Variants in ROGDI observed in about 807,000 individuals in gnomAD.
The protein encoded by ROGDI is protein rogdi homolog.
Under a neutral mutation model 43.1 loss-of-function variants are expected in ROGDI, and 46 were observed. The observed-to-expected ratio is 1.07, with a 90% CI of 0.84 to 1.37. The LOEUF (loss-of-function observed/expected upper bound fraction) is 1.37. Among genes scored for constraint, ROGDI ranks in the 40% most tolerant of loss-of-function variants. The pLI, the probability that ROGDI is intolerant of heterozygous loss-of-function variation, is 0.00. For missense variants in ROGDI, 518 were observed against 383.9 expected (o/e 1.35, Z -2.92); for synonymous variants, 243 against 162.0 (o/e 1.50, Z -3.80).
Position 4,801,050 on chromosome 16 carries a change from C to G in ROGDI, c.255+217G>C, listed in dbSNP as rs1269421749. On this transcript the variant is annotated intron_variant, in intron 4 of 10. Transcript: ENST00000322048. Reference sequence around the variant, plus strand: ...CACTGGTCCGGACGCCAGGCCAGGCCGTGTGCAAAGAACCCCTCTCCTGCA... The same window carrying G: ...CACTGGTCCGGACGCCAGGCCAGGCGGTGTGCAAAGAACCCCTCTCCTGCA... 3 of 520,414 alleles carry G rather than the reference C, an allele frequency of 5.8e-6. No homozygotes were observed. In the East Asian group the frequency reaches 9.2e-5, roughly 16 times the overall value. The allele number at this position is 520,414 out of a possible 1,614,324, so 32.2% of individuals were successfully genotyped here.
In ROGDI at chr16:4,802,187, G is replaced by C. The variant is rs377578840; in HGVS notation, c.117+195C>G. 76 of 655,850 alleles carry C rather than the reference G, an allele frequency of 1.2e-4. No homozygotes were observed. The East Asian group carries it at 1.8e-3, about 15-fold the overall frequency. The allele number at this position is 655,850 out of a possible 1,614,324, so 40.6% of individuals were successfully genotyped here. The stretch of plus-strand genomic sequence containing the variant: ...TCAGGCCCTTGCTAGCACCCTCGTC[G>C]GGACCCGCCCCTGCCCGCACACAGG... On this transcript the variant is annotated intron_variant, in intron 2 of 10. Coordinates refer to ENST00000322048, the MANE Select transcript of ROGDI (RefSeq NM_024589.3).
At chr16:4,799,894 G>A (rs1274442630) in intron 5 of ROGDI, 113 bp from the exon 6 acceptor site, 7 of 755,664 alleles carry the variant, frequency 9.3e-6, no homozygotes, top group Non-Finnish European at 1.3e-5. Context: ...TGTCATCCCT[G>A]TGCCCCAGAG....
Position 4,801,635 on chromosome 16 carries a change from G to A in ROGDI, c.118-50C>T, listed in dbSNP as rs970349464. 2.7e-6 allele frequency: 4 copies of A among 1,499,244 alleles called. No individual in the cohort carries two copies. In the African/African-American group the frequency reaches 4.1e-5, roughly 16 times the overall value. 92.9% of individuals were successfully genotyped at this position (1,499,244 alleles called of 1,614,324 possible). On this transcript the variant is annotated intron_variant, in intron 2 of 10. Coordinates refer to ENST00000322048, the MANE Select transcript of ROGDI (RefSeq NM_024589.3). The stretch of plus-strand genomic sequence containing the variant: ...AGCTGGTAGCGCCCACTCAGGCCCG[G>A]CCCAGTGCTCCTTCCAGAAGCCCCC...
chr16:4,798,017 C>G lies in ROGDI; in HGVS notation c.646-30G>C, dbSNP rs371472277. The stretch of plus-strand genomic sequence containing the variant: ...GGAGAACAGCACCAGACCCGTCAGG[C>G]CTTGCAGGGCGTGTGCATGGCGGGC... On this transcript the variant is annotated intron_variant, in intron 8 of 10. Coordinates refer to ENST00000322048, the MANE Select transcript of ROGDI (RefSeq NM_024589.3). The G allele has an allele frequency of 5.6e-5, 90 of 1,613,458 alleles. No homozygotes were observed. The African/African-American group carries it at 1.1e-3, about 19-fold the overall frequency.
chr16:4,799,484 G>A (rs1368767154), intron 6 of ROGDI, among the ~76,000 whole-genome samples: 1 of 152,128 alleles, frequency 6.6e-6, no homozygotes, highest in Non-Finnish European at 1.5e-5. Flanking sequence ...CTTACTGGGG[G>A]CCCCGTGACC....
In ROGDI at chr16:4,800,595, G is replaced by C; in HGVS notation, c.256-17C>G. The C allele has an allele frequency of 6.4e-7, 1 of 1,553,806 alleles. No individual in the cohort carries two copies. The highest frequency in any genetic ancestry group is 8.7e-7 in the Non-Finnish European group (1 of 1,146,780). On this transcript the variant is annotated splice_polypyrimidine_tract_variant and intron_variant, in intron 4 of 10. Coordinates refer to ENST00000322048, the MANE Select transcript of ROGDI (RefSeq NM_024589.3). ...GTTCACATCCTGACAGGCAAGAGTG[G>C]GGTGAGCTGGGCAGTGGGGGGGCAC...
intron 2 of ROGDI, chr16:4,801,998 G>C (rs965173922): frequency 2.8e-5 from 16 of 578,772 alleles, no homozygotes; most frequent in Non-Finnish European, 5.2e-5. Flanking sequence ...GCCTCGCGAA[G>C]CGGGTACTGT....
rs758195573 is a variant in ROGDI at position 4,801,247 on chromosome 16, G to A, written c.255+20C>T. ...CTTCCCCATTGGCAGGATGGGAGGG[G>A]ACAGGGCCGGGGGACTCACCGCCTG... On this transcript the variant is annotated intron_variant, in intron 4 of 10. Coordinates refer to ENST00000322048, the MANE Select transcript of ROGDI (RefSeq NM_024589.3). 2.7e-5 allele frequency: 43 copies of A among 1,591,132 alleles called. No individual in the cohort carries two copies. The highest frequency in any genetic ancestry group is 6.0e-6 in the Non-Finnish European group (7 of 1,166,062).
chr16:4,802,593 G>A lies in ROGDI; in HGVS notation c.-22C>T, dbSNP rs779360795. 1.1e-5 allele frequency: 15 copies of A among 1,305,396 alleles called. No individual in the cohort carries two copies. In the African/African-American group the frequency reaches 1.2e-4, roughly 11 times the overall value. The allele number at this position is 1,305,396 out of a possible 1,614,324, so 80.9% of individuals were successfully genotyped here. ...CCATGGCCGCAGGCCGCCGCCGAGCGCCCTCCCCACCGGCCGCTGCTCCTG... is the reference window on the plus strand; with the variant it reads ...CCATGGCCGCAGGCCGCCGCCGAGCACCCTCCCCACCGGCCGCTGCTCCTG... On this transcript the variant is annotated 5_prime_UTR_variant, in exon 1 of 11. Coordinates refer to ENST00000322048, the MANE Select transcript of ROGDI (RefSeq NM_024589.3).
chr16:4,801,880 CAG>C (rs1329327216), intron 2 of ROGDI: 3 of 577,002 alleles, frequency 5.2e-6, no homozygotes, highest in South Asian at 1.9e-5. Context: ...GGGCAAGGGG[CAG>C]AGTCAGGGAA....
In ROGDI at chr16:4,801,859, G is replaced by A. The variant is rs982567124; in HGVS notation, c.118-274C>T. On this transcript the variant is annotated intron_variant, in intron 2 of 10. Transcript: ENST00000322048. ...ACAGGGGCAGCCTCCCAGCTTGGTT[G>A]AGGGGGAAAGGGGCAAGGGGCAGAG... 27 of 585,488 alleles carry A rather than the reference G, an allele frequency of 4.6e-5. 1 individual carries two copies. Among genetic ancestry groups the A allele is most frequent in the Middle Eastern group, 8.9e-4 (2 of 2,252 alleles). The allele number at this position is 585,488 out of a possible 1,614,324, so 36.3% of individuals were successfully genotyped here.
chr16:4,797,674 G>T, intron 10 of ROGDI, 40 bp downstream of exon 10: 3 of 989,808 alleles, frequency 3.0e-6, no homozygotes, highest in Non-Finnish European at 4.0e-6. Flanking sequence ...AGGACCCTTA[G>T]AAGTCCTTCC....
At position 4,797,512 on chromosome 16, in the gene ROGDI, A is replaced by G; in HGVS notation, c.823-11T>C. On this transcript the variant is annotated splice_polypyrimidine_tract_variant and intron_variant, in intron 10 of 10. Coordinates refer to ENST00000322048, the MANE Select transcript of ROGDI (RefSeq NM_024589.3). ...GGAGAACACGGAGATCTGCAAGGGG[A>G]GAGGGTGCTGTAGGTTGCTGAAGGG... is the stretch of plus-strand genomic sequence containing the variant. 1 of 1,496,424 alleles carries G rather than the reference A, an allele frequency of 6.7e-7. No individual in the cohort carries two copies. Among genetic ancestry groups the G allele is most frequent in the South Asian group, 1.2e-5 (1 of 80,958 alleles). The allele number at this position is 1,496,424 out of a possible 1,614,324, so 92.7% of individuals were successfully genotyped here.
intron 4 of ROGDI, 176 bp from the exon 5 acceptor site, chr16:4,800,754 G>A (rs1399533205): frequency 5.1e-6 from 3 of 591,788 alleles, no homozygotes; most frequent in South Asian, 2.0e-5. Context: ...AGGGAGGTCA[G>A]GAAACAGGAA....
At chr16:4,802,222 A>C in intron 2 of ROGDI, 160 bp downstream of exon 2, 1 of 698,498 alleles carries the variant, frequency 1.4e-6, no homozygotes, top group South Asian at 1.5e-5. Flanking sequence ...GTACTTATAT[A>C]ATGAGGTCGG....
rs540065993 is a variant in ROGDI, at chr16:4,802,458, G to A, written c.46-5C>T. 717 of 1,294,766 alleles carry A rather than the reference G, an allele frequency of 5.5e-4. 7 individuals are homozygous for A. The South Asian group carries it at 0.017, about 31-fold the overall frequency. The allele number at this position is 1,294,766 out of a possible 1,614,324, so 80.2% of individuals were successfully genotyped here. ...CAGCCAGCGGAACTCCTCCTCCTGC[G>A]GGACAGACCCGGCGGTCGCGCCCGG... On this transcript the variant is annotated splice_polypyrimidine_tract_variant and splice_region_variant and intron_variant, in intron 1 of 10. Coordinates refer to ENST00000322048, the MANE Select transcript of ROGDI (RefSeq NM_024589.3).
At position 4,798,895 on chromosome 16, in the gene ROGDI, G is replaced by A. The variant is rs536087023; in HGVS notation, c.433-228C>T. On this transcript the variant is annotated intron_variant, in intron 6 of 10. Transcript: ENST00000322048. ...TCGGGATGGGGCTGATTCACTGCAC[G>A]GGGATCCTGGGTGCTGGATCAATGG... The A allele has an allele frequency of 1.4e-4, 76 of 549,442 alleles. 2 individuals are homozygous for A. The South Asian group carries it at 1.6e-3, about 12-fold the overall frequency. 34.0% of individuals were successfully genotyped at this position (549,442 alleles called of 1,614,324 possible). A position where few individuals can be genotyped will look rare whatever the true frequency, so the allele number is the denominator to read the frequency against.
At chr16:4,801,143 A>G (rs2141911597) in intron 4 of ROGDI, 124 bp downstream of exon 4, 1 of 737,962 alleles carries the variant, frequency 1.4e-6, no homozygotes, top group East Asian at 2.8e-5. Context: ...TCCAAAGGAG[A>G]AAACTGAGGC....
intron 4 of ROGDI, 28 bp downstream of exon 4, chr16:4,801,239 T>C: frequency 6.3e-7 from 1 of 1,576,302 alleles, no homozygotes; most frequent in Non-Finnish European, 8.6e-7. Context: ...ATTGGCAGGA[T>C]GGGAGGGGAC....
Sources: allele counts gnomAD v4.1 joint callset (sites outside exome capture counted in the v4.1 genomes callset), GRCh38; gene constraint gnomAD v4.1.1; transcripts MANE v1.5; gene names NCBI Gene and HGNC (gene_info 2026-07-23, HGNC 2026-07-21).